The following HSD17B12 variants were observed in gnomAD, a reference collection of about 807,000 sequenced individuals.
HSD17B12 encodes the protein hydroxysteroid 17-beta dehydrogenase 12.
HSD17B12 carries 32 observed loss-of-function variants against 39.3 expected under a neutral mutation model. The ratio of observed to expected loss-of-function variants is 0.81; its 90% CI spans 0.61 to 1.09. The LOEUF is 1.09. Ranked by LOEUF, HSD17B12 falls within the 50% of genes least tolerant of loss-of-function variation. The pLI is 0.00. For missense variants in HSD17B12, 342 were observed against 382.9 expected (o/e 0.89, Z 0.89); for synonymous variants, 150 against 146.7 (o/e 1.02, Z -0.16).
Position 43,762,668 on chromosome 11 carries a change from G to A in HSD17B12, c.283+8547G>A, listed in dbSNP as rs183751884. 3.5e-4 allele frequency among the ~76,000 whole-genome samples: 53 copies of A among 152,274 alleles called. 1 individual carries two copies. Among genetic ancestry groups the A allele is most frequent in the African/African-American group, 1.2e-3 (50 of 41,566 alleles). On this transcript the variant is annotated intron_variant, in intron 3 of 10. Transcript: ENST00000278353. ...AACTAATTAATATGATTTAGTCAGT[G>A]ATTATCCTGAGGGTATGAGCCTTAT...
At chr11:43,599,903 T>TTA in the HSD17B12 span, among the ~76,000 whole-genome samples, 2 of 152,214 alleles carry the variant, frequency 1.3e-5, no homozygotes, top group African/African-American at 4.8e-5. Flanking sequence ...CATTTCTTTT[T>TTA]TATTGAAGAT....
At chr11:43,601,981 T>C in the HSD17B12 span, among the ~76,000 whole-genome samples, 1 of 152,274 alleles carries the variant, frequency 6.6e-6, no homozygotes, top group Non-Finnish European at 1.5e-5. Context: ...CAGCTGCCCC[T>C]TTTTGAGCTT....
At chr11:43,791,284 C>T (rs899703671) in intron 3 of HSD17B12, among the ~76,000 whole-genome samples, 9 of 152,118 alleles carry the variant, frequency 5.9e-5, no homozygotes, top group Non-Finnish European at 1.2e-4. Flanking sequence ...GTAATCCTAG[C>T]ACTTTGGGAG....
chr11:43,791,758 A>G (rs1950870079), intron 3 of HSD17B12, among the ~76,000 whole-genome samples: 1 of 152,208 alleles, frequency 6.6e-6, no homozygotes. Context: ...CGTCCTATCA[A>G]TAGAACAGAT....
chr11:43,724,929 C>T (rs1240515408), intron 1 of HSD17B12, among the ~76,000 whole-genome samples: 1 of 152,110 alleles, frequency 6.6e-6, no homozygotes, highest in Non-Finnish European at 1.5e-5. Context: ...ATATTCATGT[C>T]TCATTTTTAT....
At chr11:43,623,179 G>C in the HSD17B12 span, among the ~76,000 whole-genome samples, 1 of 152,006 alleles carries the variant, frequency 6.6e-6, no homozygotes, top group Admixed American at 6.6e-5. Flanking sequence ...TGTTTTCTAG[G>C]TTTTAATCTG....
chr11:43,809,545 G>A (rs960480698), intron 4 of HSD17B12, among the ~76,000 whole-genome samples: 4 of 152,188 alleles, frequency 2.6e-5, no homozygotes, highest in South Asian at 2.1e-4. Flanking sequence ...TTGGCCAGGC[G>A]TGATGGCTCA....
intron 1 of HSD17B12, among the ~76,000 whole-genome samples, chr11:43,701,600 G>C (rs1481593611): frequency 6.6e-6 from 1 of 151,992 alleles, no homozygotes; most frequent in Non-Finnish European, 1.5e-5. Context: ...ACTGTCTTCA[G>C]TATATTCTTG....
At chr11:43,683,116 TTTTC>T in intron 1 of HSD17B12, among the ~76,000 whole-genome samples, 1 of 151,684 alleles carries the variant, frequency 6.6e-6, no homozygotes, top group African/African-American at 2.4e-5. Context: ...TTTTTTTTTT[TTTTC>T]TCTTTAAAAT....
chr11:43,708,126 C>T (rs1950032252), intron 1 of HSD17B12, among the ~76,000 whole-genome samples: 1 of 152,322 alleles, frequency 6.6e-6, no homozygotes, highest in African/African-American at 2.4e-5. Context: ...TGCAAACATT[C>T]AGTCCCAGAG....
chr11:43,637,215 T>C, the HSD17B12 span, among the ~76,000 whole-genome samples: 1 of 128,604 alleles, frequency 7.8e-6, no homozygotes, highest in Admixed American at 9.5e-5. Context: ...CTGGTGTTTT[T>C]CCTTTTTTTT....
At position 43,736,285 on chromosome 11, in the gene HSD17B12, T is replaced by G. The variant is rs141984409; in HGVS notation, c.161-14626T>G. ...CTTTAAGCAAATCTGCTTTTCACAG[T>G]TTTTTTTTTGTTTTCGTTTTTCTGT... On this transcript the variant is annotated intron_variant, in intron 1 of 10. Coordinates refer to ENST00000278353, the MANE Select transcript of HSD17B12 (RefSeq NM_016142.3). 2.5e-3 allele frequency among the ~76,000 whole-genome samples: 370 copies of G among 147,896 alleles called. 1 individual carries two copies. Among genetic ancestry groups the G allele is most frequent in the African/African-American group, 8.9e-3 (353 of 39,826 alleles).
chr11:43,589,632 T>C, the HSD17B12 span, among the ~76,000 whole-genome samples: 1 of 152,212 alleles, frequency 6.6e-6, no homozygotes, highest in Admixed American at 6.5e-5. Flanking sequence ...TCCTTTTTTC[T>C]GTCGTTTTAA....
chr11:43,608,855 A>T, the HSD17B12 span, among the ~76,000 whole-genome samples: 1 of 152,170 alleles, frequency 6.6e-6, no homozygotes, highest in Non-Finnish European at 1.5e-5. Context: ...TGGGAATAAT[A>T]GTATCTCCCC....
intron 7 of HSD17B12, among the ~76,000 whole-genome samples, chr11:43,834,837 T>C (rs1445269149): frequency 6.6e-6 from 1 of 152,150 alleles, no homozygotes; most frequent in Non-Finnish European, 1.5e-5. Flanking sequence ...AGAATATGTT[T>C]ATATGAAAAG....
rs1260370244 is a variant in HSD17B12 at position 43,817,008 on chromosome 11, ATC to A, written c.501+619_501+620del. 9.7e-3 allele frequency among the ~76,000 whole-genome samples: 217 copies of A among 22,270 alleles called. 4 individuals are homozygous for A. The highest frequency in any genetic ancestry group is 0.025 in the Middle Eastern group (1 of 40). The allele number at this position is 22,270 out of a possible 152,430, so 14.6% of individuals were successfully genotyped here. ...TATCTATATCTATATCTATATCTATATCTATATCTATATCTATATCTATATCT... is the reference window on the plus strand; with the variant it reads ...TATCTATATCTATATCTATATCTATATATATCTATATCTATATCTATATCT... On this transcript the variant is annotated intron_variant, in intron 6 of 10. Coordinates refer to ENST00000278353, the MANE Select transcript of HSD17B12 (RefSeq NM_016142.3).
chr11:43,789,928 TCCCACTG>T (rs1950851583), intron 3 of HSD17B12, among the ~76,000 whole-genome samples: 1 of 152,066 alleles, frequency 6.6e-6, no homozygotes, highest in Non-Finnish European at 1.5e-5. Flanking sequence ...TGAGACCCTG[TCCCACTG>T]CCCACTGCCT....
At chr11:43,589,841 G>A in the HSD17B12 span, among the ~76,000 whole-genome samples, 1 of 152,164 alleles carries the variant, frequency 6.6e-6, no homozygotes, top group Non-Finnish European at 1.5e-5. Flanking sequence ...CTTATTAGCT[G>A]CATGCCCTTG....
chr11:43,757,372 G>C (rs541088364), intron 3 of HSD17B12, among the ~76,000 whole-genome samples: 21 of 152,068 alleles, frequency 1.4e-4, no homozygotes, highest in Admixed American at 5.2e-4. Context: ...GGTGGCTCAC[G>C]CCTGTAATCC....
Sources: allele counts gnomAD v4.1 joint callset (sites outside exome capture counted in the v4.1 genomes callset), GRCh38; gene constraint gnomAD v4.1.1; transcripts MANE v1.5; gene names NCBI Gene and HGNC (gene_info 2026-07-23, HGNC 2026-07-21).